THSD4: variants seen among roughly 807,000 people sequenced by gnomAD.
THSD4 encodes thrombospondin type 1 domain containing 4.
THSD4 carries 69 observed loss-of-function variants against 119.0 expected under a neutral mutation model. The observed-to-expected ratio is 0.58, with a 90% CI of 0.48 to 0.71. THSD4 has a LOEUF of 0.71. THSD4 is among the 30% of genes least tolerant of loss of function. The pLI is 0.00. For synonymous variants in THSD4, 524 were observed against 540.4 expected (o/e 0.97, Z 0.42); for missense variants, 1,393 against 1,391.1 (o/e 1.00, Z -0.02).
chr15:71,274,969 A>G (rs1246884610), intron 6 of THSD4, among the ~76,000 whole-genome samples: 4 of 152,186 alleles, frequency 2.6e-5, no homozygotes, highest in African/African-American at 9.7e-5. Flanking sequence ...ACTGCAAAAT[A>G]TTAAATACTG....
chr15:71,125,056 A>T (rs1010519642), intron 1 of THSD4, among the ~76,000 whole-genome samples: 1 of 152,126 alleles, frequency 6.6e-6, no homozygotes, highest in Admixed American at 6.6e-5. Flanking sequence ...CCTGGGTGAC[A>T]GAGTGAGACC....
chr15:71,285,681 C>G (rs879432986), intron 6 of THSD4, among the ~76,000 whole-genome samples: 1 of 152,004 alleles, frequency 6.6e-6, no homozygotes, highest in South Asian at 2.1e-4. Context: ...TGGTAAAACC[C>G]TGTCTCTACT....
At chr15:71,369,139 A>G (rs992793055) in intron 6 of THSD4, among the ~76,000 whole-genome samples, 11 of 152,152 alleles carry the variant, frequency 7.2e-5, no homozygotes, top group African/African-American at 1.2e-4. Context: ...TTTGTATCCT[A>G]AGACTTTGCT....
intron 6 of THSD4, among the ~76,000 whole-genome samples, chr15:71,331,557 T>C (rs2045421369): frequency 6.6e-6 from 1 of 152,196 alleles, no homozygotes; most frequent in African/African-American, 2.4e-5. Flanking sequence ...TCACTCTAGC[T>C]GGGATTGCTC....
At chr15:71,712,216 T>A (rs1050177566) in intron 8 of THSD4, among the ~76,000 whole-genome samples, 1 of 152,258 alleles carries the variant, frequency 6.6e-6, no homozygotes, top group South Asian at 2.1e-4. Flanking sequence ...GATCTAGAAA[T>A]TTCCCAAATA....
chr15:71,111,358 G>A, upstream of THSD4: 1 of 1,613,860 alleles, frequency 6.2e-7, no homozygotes, highest in East Asian at 2.2e-5. Context: ...GTGGGTTACA[G>A]GTCAAGTAGA....
At chr15:71,515,561 C>T (rs1223570903) in intron 7 of THSD4, among the ~76,000 whole-genome samples, 1 of 152,148 alleles carries the variant, frequency 6.6e-6, no homozygotes, top group East Asian at 1.9e-4. Flanking sequence ...GGGGCTCAAT[C>T]TCTACATTGT....
intron 7 of THSD4, among the ~76,000 whole-genome samples, chr15:71,474,060 T>G (rs2047623126): frequency 6.6e-6 from 1 of 152,152 alleles, no homozygotes; most frequent in African/African-American, 2.4e-5. Flanking sequence ...TCATCCATGG[T>G]CAGGCCTTAT....
intron 7 of THSD4, among the ~76,000 whole-genome samples, chr15:71,653,480 C>T (rs1209708894): frequency 2.6e-5 from 4 of 152,172 alleles, no homozygotes; most frequent in Non-Finnish European, 5.9e-5. Context: ...GTTTGTCACA[C>T]TGAGAGGGAT....
At chr15:71,651,112 G>GC (rs575204046) in intron 7 of THSD4, among the ~76,000 whole-genome samples, 1 of 152,220 alleles carries the variant, frequency 6.6e-6, no homozygotes, top group South Asian at 2.1e-4. Flanking sequence ...TCAAAGGCCT[G>GC]CCCCCCAGTG....
At chr15:71,588,728 C>G (rs1228965309) in intron 7 of THSD4, among the ~76,000 whole-genome samples, 1 of 152,202 alleles carries the variant, frequency 6.6e-6, no homozygotes, top group Admixed American at 6.5e-5. Context: ...GCCACCACAC[C>G]TGGCCAGTGA....
chr15:71,461,931 C>T (rs16955650), intron 7 of THSD4, among the ~76,000 whole-genome samples: 23,571 of 151,832 alleles, frequency 0.16, 2,318 homozygotes, highest in East Asian at 0.3. Flanking sequence ...TTAGCTGCTG[C>T]TTTGAAATAT....
rs142187449 is a variant in THSD4, at chr15:71,228,057, T to C, written c.464+12658T>C. On this transcript the variant is annotated intron_variant, in intron 4 of 17. Transcript: ENST00000261862. ...CTCAGTCCTCAAAGATAGCAGGCCC[T>C]AGTCCTGGAGGCTGTAAATGCTAAC... Among the ~76,000 whole-genome samples the C allele has an allele frequency of 2.3e-3, 355 of 152,288 alleles. 1 individual carries two copies. The highest frequency in any genetic ancestry group is 8.4e-3 in the African/African-American group (348 of 41,560).
intron 7 of THSD4, among the ~76,000 whole-genome samples, chr15:71,584,035 C>T (rs1274104467): frequency 6.6e-6 from 1 of 151,966 alleles, no homozygotes; most frequent in African/African-American, 2.4e-5. Context: ...GTAATGCTGT[C>T]TATTTTTACC....
intron 7 of THSD4, among the ~76,000 whole-genome samples, chr15:71,422,986 G>A (rs2046827372): frequency 6.6e-6 from 1 of 152,178 alleles, no homozygotes; most frequent in Non-Finnish European, 1.5e-5. Flanking sequence ...GGCCCATGGA[G>A]AGCACTGCCA....
chr15:71,437,509 A>G (rs1032143648), intron 7 of THSD4, among the ~76,000 whole-genome samples: 4 of 152,354 alleles, frequency 2.6e-5, no homozygotes, highest in South Asian at 4.1e-4. Flanking sequence ...CTTTAGGAAG[A>G]TAAGGGAACT....
At chr15:71,433,503 G>T (rs1360109214) in intron 7 of THSD4, among the ~76,000 whole-genome samples, 2 of 148,598 alleles carry the variant, frequency 1.3e-5, no homozygotes, top group African/African-American at 5.0e-5. Context: ...AGCAAAACCA[G>T]TCTATCCTTG....
At chr15:71,698,724 G>T (rs1274933710) in intron 8 of THSD4, among the ~76,000 whole-genome samples, 1 of 150,712 alleles carries the variant, frequency 6.6e-6, no homozygotes, top group African/African-American at 2.4e-5. Flanking sequence ...ACACCCAATG[G>T]AATATTATTA....
intron 3 of THSD4, among the ~76,000 whole-genome samples, chr15:71,196,411 C>T (rs756065216): frequency 2.0e-5 from 3 of 152,078 alleles, no homozygotes; most frequent in Non-Finnish European, 4.4e-5. Flanking sequence ...AAGAACTGTA[C>T]GATCCAAATT....
Sources: allele counts gnomAD v4.1 joint callset (sites outside exome capture counted in the v4.1 genomes callset), GRCh38; gene constraint gnomAD v4.1.1; transcripts MANE v1.5; gene names NCBI Gene and HGNC (gene_info 2026-07-23, HGNC 2026-07-21).